Variants in BCAS4 observed in about 807,000 individuals in gnomAD.
BCAS4 encodes breast carcinoma-amplified sequence 4.
Under a neutral mutation model 15.7 loss-of-function variants are expected in BCAS4, and 9 were observed. The ratio of observed to expected loss-of-function variants is 0.57; its 90% confidence interval spans 0.34 to 1.00. The LOEUF (loss-of-function observed/expected upper bound fraction) is 1.00, where lower values mean the gene tolerates loss of function less well. Among genes scored for constraint, BCAS4 ranks in the 50% least tolerant of loss-of-function variants. The pLI, the probability that BCAS4 is intolerant of heterozygous loss-of-function variation, is 0.02. For synonymous variants in BCAS4, 101 were observed against 99.5 expected (o/e 1.02, Z -0.09); for missense variants, 225 against 239.1 (o/e 0.94, Z 0.39).
rs116838547 is a variant in BCAS4, at chr20:50,868,213, G to A, written c.400-8273G>A. 3.8e-3 allele frequency among the ~76,000 whole-genome samples: 582 copies of A among 152,272 alleles called. 6 individuals are homozygous for A. Among genetic ancestry groups the A allele is most frequent in the African/African-American group, 0.013 (551 of 41,540 alleles). Reference sequence around the variant, plus strand: ...ACGTGGGTCACCTGGCCGAAGTGACGTTTGCCAGGTTTCTCCACTGTGCAG... The same window carrying A: ...ACGTGGGTCACCTGGCCGAAGTGACATTTGCCAGGTTTCTCCACTGTGCAG... On this transcript the variant is annotated intron_variant, in intron 4 of 4. Transcript: ENST00000371608.
intron 2 of BCAS4, among the ~76,000 whole-genome samples, chr20:50,828,142 G>A (rs138426250): frequency 3.6e-4 from 54 of 152,110 alleles, no homozygotes; most frequent in African/African-American, 1.3e-3. Flanking sequence ...CTTAGGCTGG[G>A]CAGCCTGACA....
intron 4 of BCAS4, among the ~76,000 whole-genome samples, chr20:50,842,347 C>T (rs905714445): frequency 1.3e-5 from 2 of 152,216 alleles, no homozygotes; most frequent in African/African-American, 4.8e-5. Context: ...AAAGGCTGTT[C>T]TCTTCCTCAT....
chr20:50,847,999 A>G (rs2088567631), intron 4 of BCAS4, among the ~76,000 whole-genome samples: 1 of 152,088 alleles, frequency 6.6e-6, no homozygotes, highest in South Asian at 2.1e-4. Flanking sequence ...TAATCGTACC[A>G]CTGCTCTCCA....
chr20:50,859,058 C>G (rs781369093), intron 4 of BCAS4, among the ~76,000 whole-genome samples: 3 of 152,094 alleles, frequency 2.0e-5, no homozygotes, highest in East Asian at 1.9e-4. Context: ...CTCAGCCCCC[C>G]GCAAGTAGCT....
chr20:50,796,107 C>T (rs535730709), intron 1 of BCAS4, among the ~76,000 whole-genome samples: 1 of 151,420 alleles, frequency 6.6e-6, no homozygotes, highest in South Asian at 2.1e-4. Context: ...TCTCGCCAGG[C>T]CTGGTGGCTC....
At chr20:50,847,325 G>T (rs2088558451) in intron 4 of BCAS4, among the ~76,000 whole-genome samples, 1 of 152,106 alleles carries the variant, frequency 6.6e-6, no homozygotes, top group African/African-American at 2.4e-5. Flanking sequence ...GACCTCAAGT[G>T]ATCCACCCAC....
chr20:50,867,106 T>C (rs1979396747), intron 4 of BCAS4, among the ~76,000 whole-genome samples: 1 of 152,216 alleles, frequency 6.6e-6, no homozygotes, highest in Admixed American at 6.5e-5. Context: ...TTGTACTCCT[T>C]GGCCAGCTTC....
At chr20:50,854,263 A>G (rs1978634429) in intron 4 of BCAS4, among the ~76,000 whole-genome samples, 1 of 152,044 alleles carries the variant, frequency 6.6e-6, no homozygotes, top group South Asian at 2.1e-4. Flanking sequence ...CCTCTGTGAA[A>G]TGGGTGGCAG....
chr20:50,819,388 T>TCC lies in BCAS4; in HGVS notation c.162+1109_162+1110dup, dbSNP rs572737304. 3.0e-4 allele frequency among the ~76,000 whole-genome samples: 45 copies of TCC among 152,156 alleles called. 1 individual carries two copies. Among genetic ancestry groups the TCC allele is most frequent in the Middle Eastern group, 6.8e-3 (2 of 294 alleles). On this transcript the variant is annotated intron_variant, in intron 2 of 4. Coordinates refer to ENST00000371608, the MANE Select transcript of BCAS4 (RefSeq NM_198799.4). The stretch of plus-strand genomic sequence containing the variant: ...CCATATTGTGACCAGGCCCTGTGTC[T>TCC]CCCCAGAGTGGAGGAAGCCTGGCCA...
chr20:50,824,945 C>T (rs1229130420), intron 2 of BCAS4, among the ~76,000 whole-genome samples: 1 of 152,158 alleles, frequency 6.6e-6, no homozygotes, highest in Non-Finnish European at 1.5e-5. Context: ...TGGGCTGACA[C>T]TGCCTTTGCC....
chr20:50,863,128 C>T (rs972183353), intron 4 of BCAS4, among the ~76,000 whole-genome samples: 33 of 151,200 alleles, frequency 2.2e-4, no homozygotes, highest in Non-Finnish European at 1.3e-4. Flanking sequence ...CCATGCCTGG[C>T]GAGGGCTTGT....
chr20:50,796,483 ATATATTTTTTTTTTT>A (rs1245073522), intron 1 of BCAS4, among the ~76,000 whole-genome samples: 35 of 10,594 alleles, frequency 3.3e-3, no homozygotes, highest in African/African-American at 0.013. Flanking sequence ...ATATATATAT[ATATATTTTTTTTTTT>A]TTTTTTTTTT....
chr20:50,818,119 A>G (rs1185324819), intron 1 of BCAS4, 92 bp from the exon 2 acceptor site: 2 of 1,181,352 alleles, frequency 1.7e-6, no homozygotes. Flanking sequence ...TAATCCTAAG[A>G]CTTAGTTTGC....
Position 50,851,742 on chromosome 20 carries a change from TC to T in BCAS4, c.399+9846del, listed in dbSNP as rs1257047590. 1.3e-5 allele frequency among the ~76,000 whole-genome samples: 2 copies of T among 152,078 alleles called. No homozygotes were observed. Among genetic ancestry groups the T allele is most frequent in the African/African-American group, 4.8e-5 (2 of 41,396 alleles). ...GTTTGCGGCCTTTGCACATGCCGGT[TC>T]CCCTCCCTGGAAAACCCTTCCCGCT... is the stretch of plus-strand genomic sequence containing the variant. On this transcript the variant is annotated intron_variant, in intron 4 of 4. Coordinates refer to ENST00000371608, the MANE Select transcript of BCAS4 (RefSeq NM_198799.4). The surrounding 1 kb of genome is among the most constrained non-coding windows in gnomAD (Gnocchi z 4.3).
chr20:50,841,650 A>G, intron 3 of BCAS4, 116 bp from the exon 4 acceptor site: 1 of 1,419,580 alleles, frequency 7.0e-7, no homozygotes, highest in Non-Finnish European at 9.7e-7. Context: ...GCCCCATTGG[A>G]GGGAGGCTGG....
chr20:50,876,266 G>C (rs1979934790), intron 4 of BCAS4, among the ~76,000 whole-genome samples: 1 of 152,178 alleles, frequency 6.6e-6, no homozygotes. Flanking sequence ...GGCTCTTCTT[G>C]ATGCCTACAG....
rs770828267 is a variant in BCAS4 at position 50,795,162 on chromosome 20, C to T, written c.79C>T (p.Pro27Ser). Residue 27 changes from proline to serine, a missense_variant, in exon 1 of 5, where the codon CCT (proline) becomes TCT (serine). Coordinates refer to ENST00000371608, the MANE Select transcript of BCAS4 (RefSeq NM_198799.4). ...RELALFLTPE[P>S]GAEAKEVEET... ...GCTCGCGCTCTTCCTGACCCCCGAG[C>T]CTGGGGCCGAGGTAGGGGACGGGGC... 4.1e-6 allele frequency: 6 copies of T among 1,453,482 alleles called. No individual in the cohort carries two copies. Among genetic ancestry groups the T allele is most frequent in the Admixed American group, 2.2e-5 (1 of 45,344 alleles). 90.0% of individuals were successfully genotyped at this position (1,453,482 alleles called of 1,614,324 possible).
chr20:50,869,414 C>T (rs1273694281), intron 4 of BCAS4, among the ~76,000 whole-genome samples: 1 of 152,176 alleles, frequency 6.6e-6, no homozygotes, highest in Non-Finnish European at 1.5e-5. Flanking sequence ...AGTACAGGTA[C>T]AGTGTGTCCA....
intron 4 of BCAS4, among the ~76,000 whole-genome samples, chr20:50,874,560 G>A (rs6126112): frequency 6.6e-6 from 1 of 152,224 alleles, no homozygotes; most frequent in Non-Finnish European, 1.5e-5. Flanking sequence ...TGCCCCATGA[G>A]GGCTGGGATG....
Sources: gnomAD v4.1 joint callset for allele counts (sites outside exome capture counted in the v4.1 genomes callset) on GRCh38, gnomAD v4.1.1 for gene constraint, Gnocchi (gnomAD v3.1) non-coding constraint, MANE v1.5 for transcripts, NCBI Gene and HGNC (gene_info 2026-07-23, HGNC 2026-07-21) for gene names.